Variants in HSD17B4 observed in about 807,000 individuals in gnomAD.
The protein encoded by HSD17B4 is hydroxysteroid 17-beta dehydrogenase 4, also known as peroxisomal multifunctional enzyme type 2.
A neutral mutation model predicts 101.0 loss-of-function variants in HSD17B4; 70 were observed. That is an observed-to-expected ratio of 0.69 (90% CI 0.57 to 0.85). HSD17B4 has a LOEUF of 0.85. Among genes scored for constraint, HSD17B4 ranks in the 40% least tolerant of loss-of-function variants. The pLI, the probability that HSD17B4 is intolerant of heterozygous loss-of-function variation, is 0.00. For synonymous variants in HSD17B4, 347 were observed against 297.1 expected, an observed-to-expected ratio of 1.17 and a Z score of -1.73; for missense variants, 984 against 892.4, an observed-to-expected ratio of 1.10 and a Z score of -1.31.
chr5:119,522,984 A>C (rs1421490533), intron 17 of HSD17B4, among the ~76,000 whole-genome samples: 1 of 152,152 alleles, frequency 6.6e-6, no homozygotes, highest in Non-Finnish European at 1.5e-5. Context: ...GCCACTCTGC[A>C]GTAGCTTTCA....
intron 23 of HSD17B4, among the ~76,000 whole-genome samples, chr5:119,537,313 C>T (rs1334292801): frequency 6.6e-6 from 1 of 152,072 alleles, no homozygotes; most frequent in Non-Finnish European, 1.5e-5. Context: ...CAGATAAAAT[C>T]TAAATTTGAA....
chr5:119,523,137 A>AT (rs939430547), intron 17 of HSD17B4, among the ~76,000 whole-genome samples: 32 of 148,366 alleles, frequency 2.2e-4, no homozygotes, highest in South Asian at 4.3e-4. Context: ...CATTATTTGT[A>AT]TTTTTTTTTT....
chr5:119,462,297 AATG>A (rs1755336207), intron 2 of HSD17B4, among the ~76,000 whole-genome samples: 1 of 61,846 alleles, frequency 1.6e-5, no homozygotes, highest in Non-Finnish European at 3.5e-5. Context: ...TAGTGGAACT[AATG>A]ATCTTTTTAG....
intron 23 of HSD17B4, among the ~76,000 whole-genome samples, chr5:119,541,346 T>G (rs1309194834): frequency 6.6e-6 from 1 of 152,168 alleles, no homozygotes; most frequent in East Asian, 1.9e-4. Context: ...ATGAGGAGAT[T>G]GAAACTCACA....
rs140967945 is a variant in HSD17B4, at chr5:119,519,769, A to G, written c.1503+4723A>G. 9.8e-5 allele frequency among the ~76,000 whole-genome samples: 15 copies of G among 152,382 alleles called. No individual in the cohort carries two copies. The East Asian group carries it at 2.5e-3, about 25-fold the overall frequency. On this transcript the variant is annotated intron_variant, in intron 17 of 23. Transcript: ENST00000510025. ...CATTAAGAAAGCAACACAAGCATTC[A>G]TCTTATCTAGAAGAGTCCCAGCATT...
At chr5:119,518,470 G>A (rs1048892986) in intron 17 of HSD17B4, among the ~76,000 whole-genome samples, 3 of 152,282 alleles carry the variant, frequency 2.0e-5, no homozygotes, top group Admixed American at 1.3e-4. Flanking sequence ...AGAAGGGTTC[G>A]ATAGTAAGAA....
Position 119,489,713 on chromosome 5 carries a change from A to G in HSD17B4, c.714+430A>G, listed in dbSNP as rs375962887. Among the ~76,000 whole-genome samples, 126 of 152,346 alleles carry G rather than the reference A, an allele frequency of 8.3e-4. 1 individual carries two copies. Among genetic ancestry groups the G allele is most frequent in the African/African-American group, 2.7e-3 (114 of 41,590 alleles). ...AGTCATATTTTAAACCCTTGGCATA[A>G]GGCCTAATACATAGCACTCAACCAC... On this transcript the variant is annotated intron_variant, in intron 9 of 23. Coordinates refer to ENST00000510025, the MANE Select transcript of HSD17B4 (RefSeq NM_000414.4).
At chr5:119,510,260 A>G (rs1752051379) in intron 16 of HSD17B4, among the ~76,000 whole-genome samples, 1 of 152,234 alleles carries the variant, frequency 6.6e-6, no homozygotes, top group African/African-American at 2.4e-5. Flanking sequence ...TGCAGACCCC[A>G]AAAGTTTTTA....
At chr5:119,525,084 AT>A in intron 17 of HSD17B4, 131 bp from the exon 18 acceptor site, 1 of 634,142 alleles carries the variant, frequency 1.6e-6, no homozygotes, top group South Asian at 1.9e-5. Context: ...AAAAATAATT[AT>A]TTTTAAAATC....
intron 17 of HSD17B4, among the ~76,000 whole-genome samples, chr5:119,524,593 G>T (rs1753408285): frequency 6.6e-6 from 1 of 152,078 alleles, no homozygotes; most frequent in Non-Finnish European, 1.5e-5. Flanking sequence ...AGAAAGTATG[G>T]TGACTTTTTC....
chr5:119,478,036 A>C (rs543248798), intron 7 of HSD17B4: 2 of 164,532 alleles, frequency 1.2e-5, no homozygotes, highest in Non-Finnish European at 2.7e-5. Flanking sequence ...TAGTATACAC[A>C]TTGAGGATTC....
intron 2 of HSD17B4, among the ~76,000 whole-genome samples, chr5:119,469,859 T>G (rs1308280915): frequency 6.6e-6 from 1 of 152,156 alleles, no homozygotes; most frequent in Non-Finnish European, 1.5e-5. Context: ...ACATCAACAG[T>G]GTCTGTATGT....
intron 2 of HSD17B4, 70 bp from the exon 3 acceptor site, chr5:119,473,838 C>CCACA (rs10601221): frequency 2.1e-5 from 18 of 849,732 alleles, no homozygotes; most frequent in African/African-American, 1.3e-4. Flanking sequence ...ATTTCATTTT[C>CCACA]CACACACACA....
chr5:119,475,227 A>G (rs1413421516), intron 4 of HSD17B4, among the ~76,000 whole-genome samples: 1 of 152,134 alleles, frequency 6.6e-6, no homozygotes, highest in Non-Finnish European at 1.5e-5. Flanking sequence ...TTAAAAAATA[A>G]TTATTTTCTT....
At chr5:119,495,761 C>A in intron 11 of HSD17B4, 1 of 180,916 alleles carries the variant, frequency 5.5e-6, no homozygotes, top group South Asian at 9.2e-5. Context: ...ACCTCTGCCC[C>A]TTGGGTTCAA....
In HSD17B4 at chr5:119,502,065, G is replaced by A; in HGVS notation, c.1234G>A (p.Glu412Lys). 2 of 1,605,046 alleles carry A rather than the reference G, an allele frequency of 1.2e-6. No homozygotes were observed. The highest frequency in any genetic ancestry group is 1.7e-6 in the Non-Finnish European group (2 of 1,171,930). The change falls in exon 14 of 24, where the codon GAG (glutamate) becomes AAG (lysine). Residue 412 changes from glutamate (E) to lysine (K), a missense_variant. By Grantham distance (56) the Glu-to-Lys change is moderately conservative. Coordinates refer to ENST00000510025, the MANE Select transcript of HSD17B4 (RefSeq NM_000414.4). ...GGTTCTTCATGGAGAGCAGTACTTA[G>A]AGTTATATAAACCACTTCCCAGAGC... ...AKVLHGEQYL[E>K]LYKPLPRAGK... is the part of the protein sequence containing the mutation.
Position 119,472,121 on chromosome 5 carries a change from A to AT in HSD17B4, c.113-1782dup, listed in dbSNP as rs1315874569. On this transcript the variant is annotated intron_variant, in intron 2 of 23. Coordinates refer to ENST00000510025, the MANE Select transcript of HSD17B4 (RefSeq NM_000414.4). ...TAAACATATATTGGTTCTGTATGTAATTTTTGACCTCTTTTGAGAAATAGT... is the reference window on the plus strand; with the variant it reads ...TAAACATATATTGGTTCTGTATGTAATTTTTTGACCTCTTTTGAGAAATAGT... 3.3e-5 allele frequency among the ~76,000 whole-genome samples: 5 copies of AT among 152,286 alleles called. No homozygotes were observed. In the East Asian group the frequency reaches 5.8e-4, roughly 18 times the overall value.
At chr5:119,456,078 A>C (rs1754610311) in intron 1 of HSD17B4, among the ~76,000 whole-genome samples, 1 of 152,190 alleles carries the variant, frequency 6.6e-6, no homozygotes, top group Non-Finnish European at 1.5e-5. Context: ...CTAGCAGCTA[A>C]GTAGAATGGT....
intron 1 of HSD17B4, among the ~76,000 whole-genome samples, chr5:119,454,057 A>G (rs1754350350): frequency 6.6e-6 from 1 of 152,190 alleles, no homozygotes; most frequent in Non-Finnish European, 1.5e-5. Context: ...TATGCAGTAC[A>G]TTTTACACCA....
Sources: gnomAD v4.1 joint callset for allele counts (sites outside exome capture counted in the v4.1 genomes callset) on GRCh38, gnomAD v4.1.1 for gene constraint, MANE v1.5 for transcripts, NCBI Gene and HGNC (gene_info 2026-07-23, HGNC 2026-07-21) for gene names.